Variants in HCN1 observed in about 807,000 individuals in gnomAD.
The protein encoded by HCN1 is potassium/sodium hyperpolarization-activated cyclic nucleotide-gated channel 1.
Under a neutral mutation model 78.9 loss-of-function variants are expected in HCN1, and 13 were observed. The observed-to-expected ratio is 0.16, with a 90% CI of 0.11 to 0.26. HCN1 has a LOEUF of 0.26. HCN1 is among the 10% of genes least tolerant of loss of function. The probability of loss-of-function intolerance (pLI) is 1.00; values close to 1 mark genes in which losing one functional copy is unlikely to be tolerated. For missense variants in HCN1, 810 were observed against 1,154.3 expected (o/e 0.70, Z 4.32); for synonymous variants, 552 against 455.5 (o/e 1.21, Z -2.70).
chr5:45,371,905 T>A (rs1321258490), intron 4 of HCN1, among the ~76,000 whole-genome samples: 1 of 101,328 alleles, frequency 9.9e-6, no homozygotes, highest in Admixed American at 1.5e-4. Context: ...TACATTATAT[T>A]ATAAAAAATA....
intron 5 of HCN1, among the ~76,000 whole-genome samples, chr5:45,312,581 G>A (rs368014039): frequency 1.2e-4 from 18 of 152,270 alleles, no homozygotes; most frequent in East Asian, 3.9e-4. Context: ...AGCCTCACCC[G>A]GCAAGTGCAA....
chr5:45,320,899 T>C (rs1746111986), intron 5 of HCN1, among the ~76,000 whole-genome samples: 1 of 151,840 alleles, frequency 6.6e-6, no homozygotes, highest in African/African-American at 2.4e-5. Context: ...CGTCTGTATT[T>C]AACATCTCTA....
intron 4 of HCN1, among the ~76,000 whole-genome samples, chr5:45,356,327 C>G (rs569381017): frequency 4.6e-5 from 7 of 151,732 alleles, no homozygotes; most frequent in Non-Finnish European, 1.0e-4. Context: ...AAATAATTAT[C>G]ACTTAAAATT....
intron 2 of HCN1, among the ~76,000 whole-genome samples, chr5:45,583,364 C>T (rs538509595): frequency 9.9e-5 from 15 of 152,032 alleles, no homozygotes; most frequent in African/African-American, 3.1e-4. Context: ...GTGGGATCAG[C>T]GGTGACATCC....
rs747975797 is a variant in HCN1, at chr5:45,695,870, TCGC to T, written c.221_223del (p.Gly74del). On this transcript the variant is annotated inframe_deletion, in exon 1 of 8. Coordinates refer to ENST00000303230, the MANE Select transcript of HCN1 (RefSeq NM_021072.4). Reference sequence around the variant, plus strand: ...GTCTTCGAAGCCCCCCGCCGGCTCCTCGCCGCCGCCGCCGCCGCCGCCACCGCC... The same window carrying T: ...GTCTTCGAAGCCCCCCGCCGGCTCCTCGCCGCCGCCGCCGCCGCCACCGCC... 6.3e-4 allele frequency: 975 copies of T among 1,544,546 alleles called. No homozygotes were observed. Among genetic ancestry groups the T allele is most frequent in the Admixed American group, 2.9e-3 (155 of 52,828 alleles).
intron 3 of HCN1, among the ~76,000 whole-genome samples, chr5:45,426,190 A>G (rs1290313879): frequency 6.6e-6 from 1 of 152,214 alleles, no homozygotes; most frequent in African/African-American, 2.4e-5. Context: ...TTACGTTGCA[A>G]TATTTACATG....
intron 4 of HCN1, among the ~76,000 whole-genome samples, chr5:45,375,085 T>A (rs1222154297): frequency 8.2e-6 from 1 of 121,476 alleles, no homozygotes; most frequent in East Asian, 2.2e-4. Flanking sequence ...TATATATAAT[T>A]ATATATAATA....
chr5:45,286,585 A>G (rs2111877376), intron 6 of HCN1, among the ~76,000 whole-genome samples: 1 of 152,154 alleles, frequency 6.6e-6, no homozygotes, highest in Non-Finnish European at 1.5e-5. Flanking sequence ...CTCATGTCCA[A>G]TCTGACTGTA....
intron 2 of HCN1, among the ~76,000 whole-genome samples, chr5:45,598,461 A>G (rs1744553153): frequency 6.6e-6 from 1 of 152,082 alleles, no homozygotes; most frequent in Admixed American, 6.6e-5. Context: ...ACCATAAAAA[A>G]CCCTTAAAGA....
At chr5:45,322,508 T>C (rs1213999742) in intron 5 of HCN1, among the ~76,000 whole-genome samples, 1 of 151,896 alleles carries the variant, frequency 6.6e-6, no homozygotes, top group Non-Finnish European at 1.5e-5. Context: ...ATTTTTCTCA[T>C]TTTAGAATAT....
intron 3 of HCN1, among the ~76,000 whole-genome samples, chr5:45,429,597 A>C (rs1027264612): frequency 7.9e-5 from 12 of 152,194 alleles, no homozygotes; most frequent in African/African-American, 2.9e-4. Flanking sequence ...TCTGGAATTG[A>C]GAAAATAGAG....
Position 45,696,081 on chromosome 5 carries a change from CG to C in HCN1, c.12del (p.Gly5AlafsTer143). 7.4e-7 allele frequency: 1 copy of C among 1,350,696 alleles called. No individual in the cohort carries two copies. Among genetic ancestry groups the C allele is most frequent in the South Asian group, 1.5e-5 (1 of 67,930 alleles). The allele number at this position is 1,350,696 out of a possible 1,614,324, so 83.7% of individuals were successfully genotyped here. ...CTGTTAGACGAAGAGTTGGGCTTGCCGCCTCCTTCCATGCCCGGAGGACGCG... is the reference window on the plus strand; with the variant it reads ...CTGTTAGACGAAGAGTTGGGCTTGCCCCTCCTTCCATGCCCGGAGGACGCG... MEG[G>X]GKPNSSSNSR... On this transcript the variant is annotated frameshift_variant, in exon 1 of 8. Transcript: ENST00000303230. LOFTEE classifies it high-confidence loss of function.
At chr5:45,386,876 A>G (rs1007869921) in intron 4 of HCN1, among the ~76,000 whole-genome samples, 3 of 152,084 alleles carry the variant, frequency 2.0e-5, no homozygotes, top group African/African-American at 7.2e-5. Flanking sequence ...ATATTTTAAT[A>G]GAGGCTTTTC....
At chr5:45,430,784 T>C (rs1472155998) in intron 3 of HCN1, among the ~76,000 whole-genome samples, 1 of 152,092 alleles carries the variant, frequency 6.6e-6, no homozygotes, top group Admixed American at 6.5e-5. Context: ...GTCGCACCAC[T>C]GGACTCCAGC....
At chr5:45,421,703 G>C (rs1346945943) in intron 3 of HCN1, among the ~76,000 whole-genome samples, 1 of 152,090 alleles carries the variant, frequency 6.6e-6, no homozygotes, top group Non-Finnish European at 1.5e-5. Flanking sequence ...TAACCAGTTT[G>C]GGTTACTCGA....
intron 2 of HCN1, among the ~76,000 whole-genome samples, chr5:45,500,690 G>A (rs1742169800): frequency 6.6e-6 from 1 of 152,142 alleles, no homozygotes; most frequent in Non-Finnish European, 1.5e-5. Context: ...TCAGCATGGT[G>A]ATATAGGTCA....
chr5:45,615,661 A>T (rs1333885810), intron 2 of HCN1, among the ~76,000 whole-genome samples: 2 of 152,038 alleles, frequency 1.3e-5, no homozygotes, highest in Non-Finnish European at 2.9e-5. Flanking sequence ...AATATATCTA[A>T]TTTAAAAAGT....
At chr5:45,367,987 GA>G (rs1276576260) in intron 4 of HCN1, among the ~76,000 whole-genome samples, 1 of 151,910 alleles carries the variant, frequency 6.6e-6, no homozygotes, top group Non-Finnish European at 1.5e-5. Flanking sequence ...GCAAGAAATG[GA>G]CCAATAGGTT....
intron 2 of HCN1, among the ~76,000 whole-genome samples, chr5:45,562,215 G>C (rs1466723536): frequency 6.6e-6 from 1 of 151,972 alleles, no homozygotes; most frequent in African/African-American, 2.4e-5. Context: ...CAACAGAATG[G>C]TATGTCTGTC....
Sources: allele counts gnomAD v4.1 joint callset (sites outside exome capture counted in the v4.1 genomes callset), GRCh38; gene constraint gnomAD v4.1.1; transcripts MANE v1.5; gene names NCBI Gene and HGNC (gene_info 2026-07-23, HGNC 2026-07-21).